BEND7: variants seen among roughly 807,000 people sequenced by gnomAD.
BEND7 encodes the protein BEN domain containing 7, also known as BEN domain-containing protein 7.
BEND7 carries 28 observed loss-of-function variants against 50.9 expected under a neutral mutation model. The ratio of observed to expected loss-of-function variants is 0.55; its 90% CI spans 0.41 to 0.75. BEND7 has a LOEUF of 0.75. Ranked by LOEUF, BEND7 falls within the 30% of genes least tolerant of loss-of-function variation. BEND7 has a pLI of 0.00. For missense variants in BEND7, 477 were observed against 491.3 expected (o/e 0.97, Z 0.28); for synonymous variants, 170 against 183.9 (o/e 0.92, Z 0.61).
chr10:13,439,865 G>A (rs1835116985), downstream of BEND7, among the ~76,000 whole-genome samples: 1 of 152,218 alleles, frequency 6.6e-6, no homozygotes, highest in African/African-American at 2.4e-5. Flanking sequence ...CCAGCCCCTC[G>A]GCATGGCGCA....
intron 6 of BEND7, among the ~76,000 whole-genome samples, chr10:13,465,441 A>G (rs1320106747): frequency 6.6e-6 from 1 of 152,224 alleles, no homozygotes; most frequent in East Asian, 1.9e-4. Flanking sequence ...ACAAGACACA[A>G]AAGTCAAGGA....
chr10:13,448,275 C>T (rs988415863), intron 7 of BEND7, among the ~76,000 whole-genome samples: 4 of 151,980 alleles, frequency 2.6e-5, no homozygotes, highest in South Asian at 2.1e-4. Context: ...GTTAGTTTCC[C>T]GTAACATGTG....
intron 5 of BEND7, among the ~76,000 whole-genome samples, chr10:13,485,614 T>G (rs2076170899): frequency 6.6e-6 from 1 of 152,236 alleles, no homozygotes; most frequent in African/African-American, 2.4e-5. Context: ...GCTTAAAGGA[T>G]GTGAATTTAG....
chr10:13,454,208 T>C (rs4748034), intron 6 of BEND7, among the ~76,000 whole-genome samples: 46,871 of 152,056 alleles, frequency 0.31, 8,571 homozygotes, highest in East Asian at 0.68. Flanking sequence ...AGGCTTGGTT[T>C]GGAGCATGCT....
chr10:13,505,461 C>A (rs2077807400), intron 2 of BEND7, among the ~76,000 whole-genome samples: 1 of 152,214 alleles, frequency 6.6e-6, no homozygotes. Context: ...CCATGGGTTC[C>A]TTTCTCTCCC....
At chr10:13,513,088 AGT>A (rs2078398011) in intron 2 of BEND7, among the ~76,000 whole-genome samples, 2 of 152,198 alleles carry the variant, frequency 1.3e-5, no homozygotes, top group South Asian at 4.1e-4. Flanking sequence ...TCCTGCATGC[AGT>A]GTACTTTGAT....
Position 13,452,640 on chromosome 10 carries a change from C to G in BEND7, c.1082G>C (p.Cys361Ser), listed in dbSNP as rs201988926. The G allele has an allele frequency of 3.7e-6, 6 of 1,600,262 alleles. No individual in the cohort carries two copies. The highest frequency in any genetic ancestry group is 2.2e-5 in the East Asian group (1 of 44,692). ...AAGCTTATCCACATGGTTAGCTGTA[C>G]AGTACTTTTCTGTGAAGACTGAAAG... ...GAIKVFTEKY[C>S]TANHVDKLPG... Residue 361 changes from cysteine (C) to serine (S), a missense_variant, in exon 7 of 9, where the codon TGT becomes TCT. This residue lies in a region of BEND7 where 64 missense variants were observed against 68.5 expected (regional missense o/e 0.93). Transcript: ENST00000466271.
At chr10:13,485,838 G>GACATAGCA (rs2076187155) in intron 5 of BEND7, among the ~76,000 whole-genome samples, 1 of 152,138 alleles carries the variant, frequency 6.6e-6, no homozygotes, top group Non-Finnish European at 1.5e-5. Flanking sequence ...GCCCCAGGTG[G>GACATAGCA]ACATAGCAAG....
chr10:13,447,574 C>T (rs1243372835), intron 7 of BEND7, among the ~76,000 whole-genome samples: 1 of 122,782 alleles, frequency 8.1e-6, no homozygotes, highest in Non-Finnish European at 1.6e-5. Flanking sequence ...GACGGAGTCT[C>T]GCTCTGTCGC....
At chr10:13,474,627 G>A (rs10906383) in intron 6 of BEND7, among the ~76,000 whole-genome samples, 73,437 of 145,768 alleles carry the variant, frequency 0.5, 18,802 homozygotes, top group East Asian at 0.71. Flanking sequence ...ACCCGTCATC[G>A]CTGTTGGACT....
chr10:13,500,009 T>G lies in BEND7; in HGVS notation c.217A>C (p.Ile73Leu), dbSNP rs757689702. The G allele has an allele frequency of 2.5e-6, 4 of 1,614,188 alleles. 1 individual carries two copies. The Admixed American group carries it at 6.7e-5, about 27-fold the overall frequency. Reference protein sequence around the residue: ...RRLLNDSTGRIYQRVGKEGEK... With the variant: ...RRLLNDSTGRLYQRVGKEGEK... Reference sequence around the variant, plus strand: ...CCTTCTTTGCCAACTCGCTGATAGATCCGCCCAGTGCTGTCGTTCAGCAAT... The same window carrying G: ...CCTTCTTTGCCAACTCGCTGATAGAGCCGCCCAGTGCTGTCGTTCAGCAAT... The change falls in exon 3 of 9, where the codon ATC (isoleucine) becomes CTC (leucine). Residue 73 changes from isoleucine to leucine, a missense_variant. Coordinates refer to ENST00000466271, the MANE Select transcript of BEND7 (RefSeq NM_001369863.1).
chr10:13,529,263 A>AGACCCCGCTCGCT (rs1343559115), upstream of BEND7, among the ~76,000 whole-genome samples: 4 of 150,164 alleles, frequency 2.7e-5, no homozygotes, highest in East Asian at 8.0e-4. Flanking sequence ...CTCCGCTCGC[A>AGACCCCGCTCGCT]GACCCCGCTC....
chr10:13,438,817 C>A, downstream of BEND7: 1 of 245,416 alleles, frequency 4.1e-6, no homozygotes, highest in East Asian at 1.1e-4. Context: ...CTGTAAAAGG[C>A]TCCTGATCCA....
At chr10:13,527,866 A>G in intron 1 of BEND7, 1 of 982,942 alleles carries the variant, frequency 1.0e-6, no homozygotes, top group Non-Finnish European at 1.2e-6. Context: ...CAGAAACTAG[A>G]TGGATTTCTT....
intron 2 of BEND7, among the ~76,000 whole-genome samples, chr10:13,503,481 C>G (rs10796088): frequency 0.84 from 128,081 of 152,122 alleles, 55,082 homozygotes; most frequent in East Asian, 0.99. Context: ...GGGAGGCTGA[C>G]GTGGGTGGAT....
intron 6 of BEND7, among the ~76,000 whole-genome samples, chr10:13,465,534 A>G (rs967231011): frequency 6.6e-6 from 1 of 152,164 alleles, no homozygotes; most frequent in Non-Finnish European, 1.5e-5. Context: ...TGGCTGATGT[A>G]ATGAAAAGGG....
intron 8 of BEND7, chr10:13,442,566 G>T (rs1353043394): frequency 1.3e-5 from 2 of 152,122 alleles, no homozygotes; most frequent in Non-Finnish European, 2.9e-5. Context: ...AAAGTGGAGG[G>T]CAAGTATACT....
At chr10:13,491,358 G>A (rs1297030032) in intron 5 of BEND7, among the ~76,000 whole-genome samples, 1 of 148,532 alleles carries the variant, frequency 6.7e-6, no homozygotes, top group African/African-American at 2.5e-5. Context: ...AGGACTGAAT[G>A]TACTTTGTGT....
chr10:13,521,127 C>T (rs142783228), intron 2 of BEND7, among the ~76,000 whole-genome samples: 190 of 151,770 alleles, frequency 1.3e-3, no homozygotes, highest in African/African-American at 4.4e-3. Flanking sequence ...GTGAAATGCA[C>T]GTAAGGCTCT....
Sources: gnomAD v4.1 joint callset for allele counts (sites outside exome capture counted in the v4.1 genomes callset) on GRCh38, gnomAD v4.1.1 for gene constraint, gnomAD v4.1.1 regional missense constraint, MANE v1.5 for transcripts, NCBI Gene and HGNC (gene_info 2026-07-23, HGNC 2026-07-21) for gene names.